Variants in NALCN observed in about 807,000 individuals in gnomAD.
NALCN encodes the protein sodium leak channel NALCN.
In NALCN, 111 loss-of-function variants were observed where a neutral mutation model predicts 225.3. That is an observed-to-expected ratio of 0.49 (90% confidence interval 0.42 to 0.58). NALCN has a LOEUF of 0.58. Among genes scored for constraint, NALCN ranks in the 20% least tolerant of loss-of-function variants. NALCN has a pLI of 0.00. For missense variants in NALCN, 1,378 were observed against 2,202.4 expected, an observed-to-expected ratio of 0.63 and a Z score of 7.49; for synonymous variants, 764 against 769.0, an observed-to-expected ratio of 0.99 and a Z score of 0.11.
At chr13:101,350,099 G>A (rs1160528002) in intron 6 of NALCN, among the ~76,000 whole-genome samples, 9 of 151,868 alleles carry the variant, frequency 5.9e-5, no homozygotes, top group African/African-American at 1.9e-4. Context: ...CTCCTCACTG[G>A]CCACCCTGCC....
At chr13:101,406,377 G>T (rs1003887430) in intron 1 of NALCN, among the ~76,000 whole-genome samples, 8 of 152,026 alleles carry the variant, frequency 5.3e-5, no homozygotes, top group African/African-American at 1.9e-4. Flanking sequence ...ATTTTCACAA[G>T]AACCATTTTA....
intron 6 of NALCN, among the ~76,000 whole-genome samples, chr13:101,356,897 T>C (rs1321394654): frequency 6.6e-6 from 1 of 152,170 alleles, no homozygotes; most frequent in Non-Finnish European, 1.5e-5. Context: ...CACAAATCAA[T>C]AAACGTAATT....
At chr13:101,363,824 A>C (rs960663034) in intron 6 of NALCN, among the ~76,000 whole-genome samples, 6 of 152,156 alleles carry the variant, frequency 3.9e-5, no homozygotes, top group Non-Finnish European at 8.8e-5. Context: ...AATGTCTGCA[A>C]ATGATTCAAC....
At chr13:101,121,518 C>T (rs1193503274) in intron 18 of NALCN, among the ~76,000 whole-genome samples, 1 of 152,078 alleles carries the variant, frequency 6.6e-6, no homozygotes, top group African/African-American at 2.4e-5. Flanking sequence ...TTCAAGCCTC[C>T]CTATACTGCT....
chr13:101,143,321 T>A, intron 16 of NALCN, 100 bp from the exon 17 acceptor site: 1 of 1,234,784 alleles, frequency 8.1e-7, no homozygotes, highest in Non-Finnish European at 1.1e-6. Flanking sequence ...GATAAAGCAG[T>A]GATAAAAGAT....
At chr13:101,166,416 TG>T (rs1239616459) in intron 15 of NALCN, among the ~76,000 whole-genome samples, 5 of 147,170 alleles carry the variant, frequency 3.4e-5, no homozygotes, top group South Asian at 4.3e-4. Context: ...TTTTTTTTTT[TG>T]ATAGTGGCCA....
intron 7 of NALCN, among the ~76,000 whole-genome samples, chr13:101,324,672 T>C (rs1484226085): frequency 3.9e-5 from 6 of 152,210 alleles, no homozygotes; most frequent in African/African-American, 1.4e-4. Context: ...AAGGAGATTT[T>C]GGGCTGAGAC....
At chr13:101,253,697 G>A (rs2042129156) in intron 11 of NALCN, among the ~76,000 whole-genome samples, 1 of 151,878 alleles carries the variant, frequency 6.6e-6, no homozygotes, top group African/African-American at 2.4e-5. Context: ...ATTTGACATT[G>A]CTCTCTGTTT....
At chr13:101,237,366 A>C (rs1379235165) in intron 12 of NALCN, among the ~76,000 whole-genome samples, 1 of 152,086 alleles carries the variant, frequency 6.6e-6, no homozygotes, top group African/African-American at 2.4e-5. Context: ...AAGGAAGAGA[A>C]ACACTTGGGA....
chr13:101,126,784 C>T (rs1359092343), intron 17 of NALCN, among the ~76,000 whole-genome samples: 1 of 152,168 alleles, frequency 6.6e-6, no homozygotes, highest in East Asian at 1.9e-4. Flanking sequence ...AGCCACCACA[C>T]CCGGCCAAAA....
At chr13:101,147,350 CTCTCTT>C (rs2037398498) in intron 15 of NALCN, among the ~76,000 whole-genome samples, 1 of 142,912 alleles carries the variant, frequency 7.0e-6, no homozygotes, top group Non-Finnish European at 1.5e-5. Flanking sequence ...CTTCCTCTCT[CTCTCTT>C]TTTTTTTTTT....
rs1305323442 is a variant in NALCN, at chr13:101,242,452, C to A, written c.1267-4530G>T. On this transcript the variant is annotated intron_variant, in intron 11 of 43. Coordinates refer to ENST00000251127, the MANE Select transcript of NALCN (RefSeq NM_052867.4). ...TTGCTTCACAACTAAATTGCTGGCT[C>A]ACTCATCCCTCCACCCCACACATCT... is the stretch of plus-strand genomic sequence containing the variant. 1.9e-5 allele frequency among the ~76,000 whole-genome samples: 2 copies of A among 105,384 alleles called. 1 individual carries two copies. Among genetic ancestry groups the A allele is most frequent in the Non-Finnish European group, 4.2e-5 (2 of 47,324 alleles). 69.1% of individuals were successfully genotyped at this position (105,384 alleles called of 152,430 possible).
chr13:101,057,701 C>G (rs2031434196), intron 43 of NALCN: 1 of 529,386 alleles, frequency 1.9e-6, no homozygotes, highest in Non-Finnish European at 3.4e-6. Context: ...TAGGTGCTGG[C>G]TTCTCAACCA....
chr13:101,316,399 G>C (rs906752105), intron 7 of NALCN, among the ~76,000 whole-genome samples: 4 of 152,022 alleles, frequency 2.6e-5, no homozygotes, highest in Non-Finnish European at 5.9e-5. Context: ...TGGTTAGGGC[G>C]ACCTCCTAGG....
intron 7 of NALCN, among the ~76,000 whole-genome samples, chr13:101,299,595 T>C (rs1439586923): frequency 6.6e-6 from 1 of 152,122 alleles, no homozygotes; most frequent in African/African-American, 2.4e-5. Context: ...AGACAGATAA[T>C]ACAAACTTGC....
At chr13:101,237,690 T>C in intron 12 of NALCN, 65 bp downstream of exon 12, 1 of 1,008,612 alleles carries the variant, frequency 9.9e-7, no homozygotes, top group Non-Finnish European at 1.4e-6. Context: ...GTTAAAATAA[T>C]GTGACAGGTA....
intron 13 of NALCN, among the ~76,000 whole-genome samples, chr13:101,212,393 T>C (rs2040557914): frequency 6.6e-6 from 1 of 152,188 alleles, no homozygotes; most frequent in Non-Finnish European, 1.5e-5. Flanking sequence ...ACATCTATTG[T>C]AGCATATGTC....
intron 6 of NALCN, among the ~76,000 whole-genome samples, chr13:101,365,655 G>A (rs985068259): frequency 1.3e-5 from 2 of 151,936 alleles, no homozygotes; most frequent in African/African-American, 4.8e-5. Flanking sequence ...AACTTCCCCT[G>A]GGCAAGGTGA....
At chr13:101,401,808 T>C (rs1199624314) in intron 1 of NALCN, among the ~76,000 whole-genome samples, 1 of 152,182 alleles carries the variant, frequency 6.6e-6, no homozygotes, top group African/African-American at 2.4e-5. Context: ...ACCTGGCTAA[T>C]CCACACATAC....
Sources: gnomAD v4.1 joint callset for allele counts (sites outside exome capture counted in the v4.1 genomes callset) on GRCh38, gnomAD v4.1.1 for gene constraint, MANE v1.5 for transcripts, NCBI Gene and HGNC (gene_info 2026-07-23, HGNC 2026-07-21) for gene names.